GRAMD1B: variants seen among roughly 807,000 people sequenced by gnomAD.
GRAMD1B encodes GRAM domain containing 1B.
In GRAMD1B, 37 loss-of-function variants were observed where a neutral mutation model predicts 99.7. The observed-to-expected ratio is 0.37, with a 90% CI of 0.29 to 0.49. GRAMD1B has a LOEUF of 0.49. Among genes scored for constraint, GRAMD1B ranks in the 20% least tolerant of loss-of-function variants. The probability of loss-of-function intolerance (pLI) is 0.98; values close to 1 mark genes in which losing one functional copy is unlikely to be tolerated. For synonymous variants in GRAMD1B, 427 were observed against 387.6 expected, an observed-to-expected ratio of 1.10 and a Z score of -1.19; for missense variants, 888 against 1,009.2, an observed-to-expected ratio of 0.88 and a Z score of 1.63.
At chr11:123,358,473 G>C (rs781554215) in exon 1 of GRAMD1B, 1 of 152,156 alleles carries the variant, frequency 6.6e-6, no homozygotes, top group Non-Finnish European at 1.5e-5. Context: ...CACGGAGAGC[G>C]GGGGAGTTCC....
intron 19 of GRAMD1B, among the ~76,000 whole-genome samples, chr11:123,622,112 C>T (rs1049132247): frequency 6.6e-6 from 1 of 151,990 alleles, no homozygotes; most frequent in African/African-American, 2.4e-5. Context: ...TTGCAAACTC[C>T]CGGGTTCAAG....
chr11:123,606,546 C>G (rs963945652), intron 10 of GRAMD1B, 63 bp from the exon 11 acceptor site: 10 of 1,444,784 alleles, frequency 6.9e-6, no homozygotes, highest in African/African-American at 1.4e-5. Flanking sequence ...TCCCTAATCT[C>G]CCTTTGGAGA....
At chr11:123,507,941 G>A (rs1940596216) in intron 2 of GRAMD1B, among the ~76,000 whole-genome samples, 1 of 152,148 alleles carries the variant, frequency 6.6e-6, no homozygotes, top group Admixed American at 6.5e-5. Flanking sequence ...GTGAATATGG[G>A]GTTGAGTCTC....
chr11:123,582,589 G>A (rs188940178), intron 3 of GRAMD1B, among the ~76,000 whole-genome samples: 162 of 152,314 alleles, frequency 1.1e-3, no homozygotes, highest in African/African-American at 3.8e-3. Context: ...GAGGGCATGT[G>A]TGAGGACGAA....
At chr11:123,523,855 T>C (rs905329347) in intron 2 of GRAMD1B, among the ~76,000 whole-genome samples, 1 of 152,224 alleles carries the variant, frequency 6.6e-6, no homozygotes, top group African/African-American at 2.4e-5. Context: ...GGGTACAGGC[T>C]CCAGGAGCTT....
At chr11:123,469,776 T>TTCCTTCCTTCCTTCC (rs59192957) in intron 1 of GRAMD1B, among the ~76,000 whole-genome samples, 3,953 of 129,946 alleles carry the variant, frequency 0.03, 255 homozygotes, top group African/African-American at 0.11. Context: ...TTTCTCTTTC[T>TTCCTTCCTTCCTTCC]TTCCTTCCTT....
At chr11:123,509,071 AG>A (rs1041682609) in intron 2 of GRAMD1B, among the ~76,000 whole-genome samples, 3 of 151,926 alleles carry the variant, frequency 2.0e-5, no homozygotes, top group African/African-American at 2.4e-5. Flanking sequence ...GATTGGGAGT[AG>A]GTGTGGGGGA....
In GRAMD1B at chr11:123,526,219, C is replaced by T. The variant is rs761514561; in HGVS notation, c.452+45326C>T. On this transcript the variant is annotated intron_variant, in intron 2 of 19. Transcript: ENST00000635736. ...ACCTTCCTCTTCTGCCTTTCTTCAG[C>T]CCTGTGCTCGCCCCAGCACCCTCAA... 7.7e-6 allele frequency: 12 copies of T among 1,550,066 alleles called. No individual in the cohort carries two copies. In the Admixed American group the frequency reaches 1.9e-4, roughly 24 times the overall value.
intron 1 of GRAMD1B, among the ~76,000 whole-genome samples, chr11:123,445,968 C>T (rs1949626305): frequency 6.6e-6 from 1 of 152,102 alleles, no homozygotes; most frequent in African/African-American, 2.4e-5. Flanking sequence ...AAATCCCCCA[C>T]AGTACAATCC....
chr11:123,431,519 T>G (rs985986044), intron 1 of GRAMD1B, among the ~76,000 whole-genome samples: 66 of 152,256 alleles, frequency 4.3e-4, no homozygotes, highest in African/African-American at 1.6e-3. Context: ...GCGCACTTCA[T>G]GTACCTCCAG....
intron 2 of GRAMD1B, among the ~76,000 whole-genome samples, chr11:123,502,728 T>G (rs1234786366): frequency 7.4e-6 from 1 of 135,206 alleles, no homozygotes; most frequent in Non-Finnish European, 1.5e-5. Flanking sequence ...TGAGCTGAGA[T>G]AGTGCCATTG....
At chr11:123,606,400 G>A (rs1003597105) in intron 10 of GRAMD1B, among the ~76,000 whole-genome samples, 14 of 152,210 alleles carry the variant, frequency 9.2e-5, no homozygotes, top group African/African-American at 3.1e-4. Flanking sequence ...TTGGAATGGC[G>A]AGCGTGAGAA....
At chr11:123,568,751 ACTT>A (rs1947707141) in intron 2 of GRAMD1B, among the ~76,000 whole-genome samples, 1 of 152,310 alleles carries the variant, frequency 6.6e-6, no homozygotes, top group African/African-American at 2.4e-5. Flanking sequence ...TGGGAAGAGA[ACTT>A]CTATGCTGTA....
At position 123,362,406 on chromosome 11, in the gene GRAMD1B, CT is replaced by C. The variant is rs368392328; in HGVS notation, c.-176+3608del. Among the ~76,000 whole-genome samples the C allele has an allele frequency of 1.2e-3, 190 of 152,336 alleles. 3 individuals carry two copies. The South Asian group carries it at 0.023, about 18-fold the overall frequency. On this transcript the variant is annotated intron_variant, in intron 1 of 20. Transcript: ENST00000638157. ...ACCCTCATGGGCTCTTGGTGCAACT[CT>C]GGATCTTCTGGTAAAAGAGAAGTTT... is the stretch of plus-strand genomic sequence containing the variant.
chr11:123,495,007 C>A (rs1454346619), intron 2 of GRAMD1B, among the ~76,000 whole-genome samples: 1 of 152,064 alleles, frequency 6.6e-6, no homozygotes, highest in Non-Finnish European at 1.5e-5. Flanking sequence ...TCCTAACTTG[C>A]TCTTCTAGGT....
At chr11:123,558,970 G>C (rs1392386634) in intron 2 of GRAMD1B, among the ~76,000 whole-genome samples, 2 of 152,248 alleles carry the variant, frequency 1.3e-5, no homozygotes, top group Non-Finnish European at 2.9e-5. Context: ...CAGGATGCAG[G>C]TGACATCAAT....
chr11:123,539,146 T>C (rs1471129278), intron 2 of GRAMD1B, among the ~76,000 whole-genome samples: 1 of 151,998 alleles, frequency 6.6e-6, no homozygotes, highest in African/African-American at 2.4e-5. Flanking sequence ...GATCACTTGA[T>C]CCCAGGAGTT....
intron 2 of GRAMD1B, among the ~76,000 whole-genome samples, chr11:123,531,516 A>G (rs1049835622): frequency 2.0e-5 from 3 of 152,196 alleles, no homozygotes; most frequent in African/African-American, 4.8e-5. Flanking sequence ...CCTAAGGTTC[A>G]TTGCTGCTGC....
intron 19 of GRAMD1B, among the ~76,000 whole-genome samples, chr11:123,620,472 CAAAAA>C (rs55787871): frequency 1.0e-4 from 7 of 69,228 alleles, no homozygotes; most frequent in Admixed American, 4.2e-4. Context: ...GACTTCATCT[CAAAAA>C]AAAAAAAAAA....
Sources: allele counts gnomAD v4.1 joint callset (sites outside exome capture counted in the v4.1 genomes callset), GRCh38; gene constraint gnomAD v4.1.1; transcripts MANE v1.5; gene names NCBI Gene and HGNC (gene_info 2026-07-23, HGNC 2026-07-21).